The following KLHL15 variants were observed in gnomAD, a reference collection of about 807,000 sequenced individuals.
The protein encoded by KLHL15 is kelch like family member 15, also known as kelch-like protein 15.
In KLHL15, 1 loss-of-function variant was observed where a neutral mutation model predicts 29.3. The observed-to-expected ratio is 0.03, with a 90% CI of 0.01 to 0.16. The LOEUF (loss-of-function observed/expected upper bound fraction) is 0.16. KLHL15 is among the 10% of genes least tolerant of loss of function. KLHL15 has a pLI of 1.00. For synonymous variants in KLHL15, 212 were observed against 184.5 expected (o/e 1.15, Z -1.21); for missense variants, 215 against 478.5 (o/e 0.45, Z 5.14).
intron 2 of KLHL15, among the ~76,000 whole-genome samples, chrX:24,022,933 C>T (rs1929843345): frequency 9.1e-6 from 1 of 110,235 alleles, no homozygotes; most frequent in Admixed American, 9.7e-5. Flanking sequence ...GGGGTTTCTC[C>T]ACGTTGGTTA....
At chrX:23,997,151 T>TTAGCA (rs1457455075) in intron 3 of KLHL15, among the ~76,000 whole-genome samples, 1 of 98,641 alleles carries the variant, frequency 1.0e-5, no homozygotes, top group Non-Finnish European at 2.0e-5. Context: ...CAAGAGAGTT[T>TTAGCA]TAGCACAATT....
intron 1 of KLHL15, among the ~76,000 whole-genome samples, chrX:24,025,593 C>T (rs1465984547): frequency 2.8e-5 from 3 of 108,674 alleles, no homozygotes; most frequent in Non-Finnish European, 3.9e-5. Flanking sequence ...CTGCTGGCGC[C>T]CCGAGGGGGC....
At chrX:24,012,747 G>A (rs1176106274) in intron 2 of KLHL15, among the ~76,000 whole-genome samples, 2 of 110,965 alleles carry the variant, frequency 1.8e-5, no homozygotes, top group African/African-American at 6.6e-5. Flanking sequence ...AACCAGTTCT[G>A]CCCCCACATC....
intron 2 of KLHL15, among the ~76,000 whole-genome samples, chrX:24,007,828 C>G (rs1338498035): frequency 9.2e-6 from 1 of 109,274 alleles, no homozygotes; most frequent in Non-Finnish European, 1.9e-5. Flanking sequence ...AGTCCAATAA[C>G]AAATTATTAA....
At chrX:24,018,905 A>G (rs766680574) in intron 2 of KLHL15, among the ~76,000 whole-genome samples, 15 of 111,446 alleles carry the variant, frequency 1.3e-4, no homozygotes, top group Non-Finnish European at 2.8e-4. Context: ...CAGGAGGGTG[A>G]GGCACGAGAA....
chrX:24,004,405 G>A (rs1263764376), intron 3 of KLHL15, among the ~76,000 whole-genome samples: 1 of 111,541 alleles, frequency 9.0e-6, no homozygotes, highest in Non-Finnish European at 1.9e-5. Flanking sequence ...GGGAAAAAGA[G>A]CAATAAAAAC....
At position 23,988,419 on chromosome X, in the gene KLHL15, G is replaced by A; in HGVS notation, c.1317C>T (p.Thr439=). Reference sequence around the variant, plus strand: ...GGTCAAACACGCACACTTGCTTGGAGGTGGAAGATGAGGTGATTCCACCGG... The same window carrying A: ...GGTCAAACACGCACACTTGCTTGGAAGTGGAAGATGAGGTGATTCCACCGG... ...FITGGITSSS[T]SKQVCVFDPS... Residue 439 remains threonine (T), a synonymous_variant, in exon 4 of 4, where the codon ACC becomes ACT. Transcript: ENST00000328046. 1 of 1,211,944 alleles carries A rather than the reference G, an allele frequency of 8.3e-7. No homozygotes were observed. Among genetic ancestry groups the A allele is most frequent in the South Asian group, 1.8e-5 (1 of 56,982 alleles).
At chrX:24,012,589 C>T (rs1167588688) in intron 2 of KLHL15, among the ~76,000 whole-genome samples, 1 of 112,149 alleles carries the variant, frequency 8.9e-6, no homozygotes, top group Non-Finnish European at 1.9e-5. Context: ...CTTATATGTA[C>T]TTTCACCAAT....
At chrX:24,000,301 C>T (rs753409961) in intron 3 of KLHL15, among the ~76,000 whole-genome samples, 1 of 110,046 alleles carries the variant, frequency 9.1e-6, no homozygotes, top group Non-Finnish European at 1.9e-5. Context: ...GGTGAAACCC[C>T]GTCTCTACTA....
chrX:24,005,664 TGAAAA>T (rs1666037496), intron 3 of KLHL15, among the ~76,000 whole-genome samples: 1 of 112,079 alleles, frequency 8.9e-6, no homozygotes, highest in Non-Finnish European at 1.9e-5. Flanking sequence ...ATTGATGAAA[TGAAAA>T]GAAAAGCTAC....
chrX:24,010,806 G>A (rs1371708920), intron 2 of KLHL15, among the ~76,000 whole-genome samples: 1 of 111,184 alleles, frequency 9.0e-6, no homozygotes, highest in African/African-American at 3.3e-5. Context: ...GCTGTCACTT[G>A]CTCTACACCT....
rs761173002 is a variant in KLHL15, at chrX:24,008,528, T to C, written c.-7-1828A>G. Among the ~76,000 whole-genome samples the C allele has an allele frequency of 8.0e-5, 9 of 112,302 alleles. No homozygotes were observed. In the South Asian group the frequency reaches 3.3e-3, roughly 41 times the overall value. On this transcript the variant is annotated intron_variant, in intron 2 of 3. Coordinates refer to ENST00000328046, the MANE Select transcript of KLHL15 (RefSeq NM_030624.3). ...TGGTGGGGTTACAGGCGTGAGCCAC[T>C]GCGCCTGGCCACTAATTCAGTCTAC...
intron 3 of KLHL15, among the ~76,000 whole-genome samples, chrX:23,991,106 A>G (rs1929074413): frequency 9.1e-6 from 1 of 109,860 alleles, no homozygotes; most frequent in South Asian, 3.9e-4. Context: ...TAATCTCAGC[A>G]CTTTGGGAGG....
rs1190335204 is a variant in KLHL15 at position 23,987,507 on chromosome X, T to A, written c.*414A>T. On this transcript the variant is annotated 3_prime_UTR_variant, in exon 4 of 4. Coordinates refer to ENST00000328046, the MANE Select transcript of KLHL15 (RefSeq NM_030624.3). ...TTTTAAATAATAAAACTAAAAAGTA[T>A]AACAGACTGAAATACACTGAAATAA... The A allele has an allele frequency of 8.5e-6, 1 of 117,424 alleles. No homozygotes were observed. Among genetic ancestry groups the A allele is most frequent in the Non-Finnish European group, 1.8e-5 (1 of 56,983 alleles). The allele number at this position is 117,424 out of a possible 1,213,427, so 9.7% of individuals were successfully genotyped here.
At chrX:23,993,240 T>C (rs776614561) in intron 3 of KLHL15, among the ~76,000 whole-genome samples, 2 of 100,076 alleles carry the variant, frequency 2.0e-5, no homozygotes, top group African/African-American at 8.8e-5. Context: ...TTAATTGCTT[T>C]CTGCAATCTG....
At chrX:24,018,607 A>C (rs1454671047) in intron 2 of KLHL15, among the ~76,000 whole-genome samples, 1 of 111,779 alleles carries the variant, frequency 8.9e-6, no homozygotes. Flanking sequence ...GGATTCTCAA[A>C]GCATGATCTG....
At chrX:24,025,943 A>G (rs1033307384) in intron 1 of KLHL15, among the ~76,000 whole-genome samples, 1 of 110,489 alleles carries the variant, frequency 9.1e-6, no homozygotes, top group Non-Finnish European at 1.9e-5. Context: ...TGCACGAGCG[A>G]TGGGCCCTGA....
At chrX:24,004,751 C>G (rs1436744392) in intron 3 of KLHL15, among the ~76,000 whole-genome samples, 1 of 104,389 alleles carries the variant, frequency 9.6e-6, no homozygotes, top group East Asian at 3.0e-4. Flanking sequence ...GATCACGCCA[C>G]TGTACTCTAG....
rs1307045596 is a variant in KLHL15 at position 23,984,606 on chromosome X, CTGAAA to C, written c.*3310_*3314del. ...TCTCCTCTGAGAGATAGCTTATAAA[CTGAAA>C]TAACAATTTATATTATAAACTGAAA... On this transcript the variant is annotated 3_prime_UTR_variant, in exon 4 of 4. Transcript: ENST00000328046. 1.8e-5 allele frequency: 2 copies of C among 112,230 alleles called. No individual in the cohort carries two copies. The highest frequency in any genetic ancestry group is 5.5e-4 in the East Asian group (2 of 3,648). 9.2% of individuals were successfully genotyped at this position (112,230 alleles called of 1,213,427 possible). A position where few individuals can be genotyped will look rare whatever the true frequency, so the allele number is the denominator to read the frequency against.
Sources: gnomAD v4.1 joint callset for allele counts (sites outside exome capture counted in the v4.1 genomes callset) on GRCh38, gnomAD v4.1.1 for gene constraint, MANE v1.5 for transcripts, NCBI Gene and HGNC (gene_info 2026-07-23, HGNC 2026-07-21) for gene names.